Variants in GAB2 observed in about 807,000 individuals in gnomAD.
The protein encoded by GAB2 is GRB2 associated binding protein 2.
In GAB2, 26 loss-of-function variants were observed where a neutral mutation model predicts 65.5. The observed-to-expected ratio is 0.40, with a 90% confidence interval of 0.29 to 0.55. The LOEUF (loss-of-function observed/expected upper bound fraction) is 0.55, where lower values mean the gene tolerates loss of function less well. Ranked by LOEUF, GAB2 falls within the 20% of genes least tolerant of loss-of-function variation. GAB2 has a pLI of 0.53. For synonymous variants in GAB2, 321 were observed against 329.6 expected, an observed-to-expected ratio of 0.97 and a Z score of 0.28; for missense variants, 884 against 875.8, an observed-to-expected ratio of 1.01 and a Z score of -0.12.
intron 1 of GAB2, among the ~76,000 whole-genome samples, chr11:78,408,824 T>C (rs1197208417): frequency 6.6e-6 from 1 of 152,204 alleles, no homozygotes; most frequent in African/African-American, 2.4e-5. Flanking sequence ...GCTCCAGCCA[T>C]GTAAGATGTG....
At chr11:78,341,442 C>T (rs370992253) in intron 1 of GAB2, among the ~76,000 whole-genome samples, 9 of 152,226 alleles carry the variant, frequency 5.9e-5, no homozygotes, top group Admixed American at 2.0e-4. Context: ...ATGTGCTGAG[C>T]TGAATCACTA....
intron 1 of GAB2, among the ~76,000 whole-genome samples, chr11:78,286,533 A>T (rs1226004377): frequency 1.3e-5 from 2 of 152,072 alleles, no homozygotes; most frequent in East Asian, 1.9e-4. Flanking sequence ...GTGGCCAAAA[A>T]CTACATGGCA....
chr11:78,408,997 C>G (rs1224084273), intron 1 of GAB2, among the ~76,000 whole-genome samples: 2 of 152,116 alleles, frequency 1.3e-5, no homozygotes, highest in Admixed American at 6.5e-5. Flanking sequence ...CGGATTAATA[C>G]ACCCCAACAA....
intron 1 of GAB2, among the ~76,000 whole-genome samples, chr11:78,322,353 C>G (rs929314354): frequency 2.4e-4 from 32 of 132,076 alleles, no homozygotes; most frequent in African/African-American, 9.2e-4. Context: ...TATAAAAATC[C>G]TAGAATAAAA....
intron 1 of GAB2, among the ~76,000 whole-genome samples, chr11:78,309,956 GTGTGTGTGT>G (rs1282182812): frequency 6.8e-5 from 10 of 147,616 alleles, no homozygotes; most frequent in African/African-American, 2.7e-4. Context: ...GTGTGTGTGT[GTGTGTGTGT>G]GTGTGTGCGC....
At chr11:78,240,010 C>A (rs1456930685) in intron 3 of GAB2, among the ~76,000 whole-genome samples, 1 of 151,906 alleles carries the variant, frequency 6.6e-6, no homozygotes, top group African/African-American at 2.4e-5. Context: ...GCTGTTACAC[C>A]CTTCCCAGGG....
In GAB2 at chr11:78,221,745, G is replaced by T. The variant is rs1191816879; in HGVS notation, c.1693C>A (p.Arg565Ser). Residue 565 changes from arginine (R) to serine (S), a missense_variant, in exon 8 of 10, where the codon CGC becomes AGC. Transcript: ENST00000361507. ...GTGATGCTCTGGGTGGAGATGGGGC[G>T]GCAGTACTGGGAGGAGCTGGAGTTG... ...TFNSSSSQYC[R>S]PISTQSITST... 5.0e-6 allele frequency: 8 copies of T among 1,613,454 alleles called. No individual in the cohort carries two copies. Among genetic ancestry groups the T allele is most frequent in the Non-Finnish European group, 5.1e-6 (6 of 1,179,618 alleles).
chr11:78,412,247 C>T (rs10899495), intron 1 of GAB2, among the ~76,000 whole-genome samples: 25,183 of 151,864 alleles, frequency 0.17, 2,796 homozygotes, highest in East Asian at 0.44. Flanking sequence ...CATCATTAGC[C>T]ATAAGGGAAA....
At chr11:78,309,971 T>TGTGTGTGTGTGTGTGCGCGCGCGCGC (rs1421836447) in intron 1 of GAB2, among the ~76,000 whole-genome samples, 2 of 120,088 alleles carry the variant, frequency 1.7e-5, no homozygotes, top group African/African-American at 7.1e-5. Flanking sequence ...TGTGTGTGTG[T>TGTGTGTGTGTGTGTGCGCGCGCGCGC]GCGCGCGCGC....
At chr11:78,277,935 T>G (rs1309191389) in intron 2 of GAB2, among the ~76,000 whole-genome samples, 3 of 152,234 alleles carry the variant, frequency 2.0e-5, no homozygotes, top group Non-Finnish European at 4.4e-5. Context: ...CTCTGCCTTA[T>G]GCCCTTTGGC....
At chr11:78,227,867 T>A (rs1245450384) in intron 3 of GAB2, among the ~76,000 whole-genome samples, 4 of 152,218 alleles carry the variant, frequency 2.6e-5, no homozygotes, top group Non-Finnish European at 5.9e-5. Flanking sequence ...ATTTATTTTC[T>A]ACCATGATTT....
chr11:78,379,758 C>A (rs1004246329), intron 1 of GAB2, among the ~76,000 whole-genome samples: 1 of 152,250 alleles, frequency 6.6e-6, no homozygotes, highest in East Asian at 1.9e-4. Flanking sequence ...ACAAATACAA[C>A]CCTGAACAAA....
rs972377122 is a variant in GAB2, at chr11:78,215,775, C to CA, written c.*3496dup. 1.3e-5 allele frequency: 2 copies of CA among 152,646 alleles called. No homozygotes were observed. Among genetic ancestry groups the CA allele is most frequent in the African/African-American group, 4.8e-5 (2 of 41,536 alleles). 9.5% of individuals were successfully genotyped at this position (152,646 alleles called of 1,614,324 possible). The stretch of plus-strand genomic sequence containing the variant: ...GGCTAGTCCCAGAAAGACGACCCCC[C>CA]ACGGAAGGGCTTTAGCGCTCCTGAG... On this transcript the variant is annotated 3_prime_UTR_variant, in exon 10 of 10. Coordinates refer to ENST00000361507, the MANE Select transcript of GAB2 (RefSeq NM_080491.3).
chr11:78,401,506 G>C (rs11237483), intron 1 of GAB2, among the ~76,000 whole-genome samples: 1,828 of 20,292 alleles, frequency 0.09, 65 homozygotes, highest in African/African-American at 0.38. Flanking sequence ...AACAGTATTC[G>C]TGTGTGTGTG....
At chr11:78,379,746 G>A (rs776661945) in intron 1 of GAB2, among the ~76,000 whole-genome samples, 31 of 152,156 alleles carry the variant, frequency 2.0e-4, no homozygotes, top group Non-Finnish European at 3.7e-4. Flanking sequence ...CATTGTGACT[G>A]AACAAATACA....
chr11:78,226,611 C>CGGGGGGGGGGGG lies in GAB2; in HGVS notation c.1060_1061insCCCCCCCCCCCC (p.Pro353_Arg354insProProProPro). 3.5e-6 allele frequency: 1 copy of CGGGGGGGGGGGG among 282,918 alleles called. No homozygotes were observed. Among genetic ancestry groups the CGGGGGGGGGGGG allele is most frequent in the Non-Finnish European group, 6.3e-6 (1 of 157,900 alleles). The allele number at this position is 282,918 out of a possible 1,614,324, so 17.5% of individuals were successfully genotyped here. A position where few individuals can be genotyped will look rare whatever the true frequency, so the allele number is the denominator to read the frequency against. On this transcript the variant is annotated inframe_insertion, in exon 4 of 10. Coordinates refer to ENST00000361507, the MANE Select transcript of GAB2 (RefSeq NM_080491.3). ...TTCTGCCTGACTTGGCTTGGGGGGG[C>CGGGGGGGGGGGG]GGGGTGGGGGAGCTATGGCTGAGTC...
At chr11:78,405,153 C>T (rs1274350129) in intron 1 of GAB2, among the ~76,000 whole-genome samples, 6 of 135,196 alleles carry the variant, frequency 4.4e-5, no homozygotes, top group Admixed American at 8.6e-5. Context: ...GGCTGGAATG[C>T]AGTGGCGCAA....
chr11:78,284,647 T>C (rs1028281188), intron 1 of GAB2, among the ~76,000 whole-genome samples: 2 of 152,196 alleles, frequency 1.3e-5, no homozygotes, highest in African/African-American at 4.8e-5. Context: ...TATTCAAATG[T>C]CACATTACTG....
At chr11:78,280,231 G>C (rs529614571) in intron 2 of GAB2, among the ~76,000 whole-genome samples, 2 of 152,226 alleles carry the variant, frequency 1.3e-5, no homozygotes, top group Non-Finnish European at 1.5e-5. Flanking sequence ...AGATGAAGGA[G>C]AGAAGGGACC....
Sources: gnomAD v4.1 joint callset for allele counts (sites outside exome capture counted in the v4.1 genomes callset) on GRCh38, gnomAD v4.1.1 for gene constraint, MANE v1.5 for transcripts, NCBI Gene and HGNC (gene_info 2026-07-23, HGNC 2026-07-21) for gene names.